The following FMNL3 variants were observed in gnomAD, a reference collection of about 807,000 sequenced individuals.
FMNL3 encodes formin-like protein 3.
In FMNL3, 57 loss-of-function variants were observed where a neutral mutation model predicts 119.6. The observed-to-expected ratio is 0.48, with a 90% CI of 0.39 to 0.59. The LOEUF is 0.59. FMNL3 is among the 20% of genes least tolerant of loss of function. The pLI is 0.00. For synonymous variants in FMNL3, 491 were observed against 507.3 expected (o/e 0.97, Z 0.43); for missense variants, 1,053 against 1,323.5 (o/e 0.80, Z 3.17).
intron 1 of FMNL3, among the ~76,000 whole-genome samples, chr12:49,680,035 G>A (rs1324977783): frequency 6.6e-6 from 1 of 152,126 alleles, no homozygotes; most frequent in African/African-American, 2.4e-5. Context: ...ATTATTTCCT[G>A]AACTAGAATA....
intron 5 of FMNL3, among the ~76,000 whole-genome samples, chr12:49,660,864 A>T (rs1471877241): frequency 4.6e-5 from 7 of 152,220 alleles, no homozygotes; most frequent in Non-Finnish European, 7.3e-5. Flanking sequence ...AGCAAGGCTG[A>T]GGCAGGACTG....
At chr12:49,661,829 T>G (rs1420741658) in intron 5 of FMNL3, 137 bp downstream of exon 5, 1 of 817,014 alleles carries the variant, frequency 1.2e-6, no homozygotes, top group Admixed American at 2.0e-5. Context: ...TCCACACCAC[T>G]GCTTGGGCTA....
At chr12:49,654,027 G>C (rs77006204) in intron 11 of FMNL3, among the ~76,000 whole-genome samples, 153 bp from the exon 12 acceptor site, 3,605 of 152,292 alleles carry the variant, frequency 0.024, 141 homozygotes, top group African/African-American at 0.083. Flanking sequence ...CCATGGAGCT[G>C]CCTGACTGGG....
chr12:49,695,672 C>T lies in FMNL3; in HGVS notation c.126+11383G>A, dbSNP rs148303594. Among the ~76,000 whole-genome samples the T allele has an allele frequency of 3.9e-3, 589 of 152,184 alleles. 2 individuals carry two copies. The highest frequency in any genetic ancestry group is 0.034 in the Middle Eastern group (10 of 294). Reference sequence around the variant, plus strand: ...GGTAAGGACCAGACACTGAGCCATTCCTAAAAGGATGAGATGAGGGACTCT... The same window carrying T: ...GGTAAGGACCAGACACTGAGCCATTTCTAAAAGGATGAGATGAGGGACTCT... On this transcript the variant is annotated intron_variant, in intron 1 of 25. Coordinates refer to ENST00000335154, the MANE Select transcript of FMNL3 (RefSeq NM_175736.5).
chr12:49,651,557 ACTCTC>A, intron 14 of FMNL3, 107 bp from the exon 15 acceptor site: 4 of 924,912 alleles, frequency 4.3e-6, no homozygotes, highest in Non-Finnish European at 5.9e-6. Flanking sequence ...AAAAAAAAAA[ACTCTC>A]AGAGAAGGAG....
At position 49,658,482 on chromosome 12, in the gene FMNL3, TG is replaced by T. The variant is rs940790169; in HGVS notation, c.564del (p.Phe188LeufsTer25). ...CGCGCAGAGCGAGCGAGGCTGTTGG[TG>T]AAGGGGGCCGACAGGGCGCTGGGTG... Reference protein sequence around the residue: ...LQPPSALSAPFTNSLARSARQ... With the variant: ...LQPPSALSAPXTNSLARSARQ... On this transcript the variant is annotated frameshift_variant, in exon 6 of 26. Coordinates refer to ENST00000335154, the MANE Select transcript of FMNL3 (RefSeq NM_175736.5). LOFTEE classifies it high-confidence loss of function. 1 of 1,612,634 alleles carries T rather than the reference TG, an allele frequency of 6.2e-7. No homozygotes were observed. Among genetic ancestry groups the T allele is most frequent in the Non-Finnish European group, 8.5e-7 (1 of 1,179,280 alleles).
At chr12:49,701,497 T>C (rs1050740342) in intron 1 of FMNL3, among the ~76,000 whole-genome samples, 1 of 152,234 alleles carries the variant, frequency 6.6e-6, no homozygotes, top group Non-Finnish European at 1.5e-5. Context: ...GAAAATACTT[T>C]GTACACCAAG....
intron 1 of FMNL3, among the ~76,000 whole-genome samples, chr12:49,676,385 G>C (rs1038819651): frequency 1.3e-5 from 2 of 152,132 alleles, no homozygotes; most frequent in African/African-American, 4.8e-5. Context: ...ATAGACAGTG[G>C]ACGAACCTTC....
chr12:49,637,107 C>T lies in FMNL3; in HGVS notation c.*8708G>A. On this transcript the variant is annotated 3_prime_UTR_variant, in exon 26 of 26. Coordinates refer to ENST00000335154, the MANE Select transcript of FMNL3 (RefSeq NM_175736.5). ...AGAGCACCCTACAGGCATGACTTGG[C>T]AGCTAGGCCATGTTTATTTCCCTTG... 1 of 594,800 alleles carries T rather than the reference C, an allele frequency of 1.7e-6. No homozygotes were observed. Among genetic ancestry groups the T allele is most frequent in the Non-Finnish European group, 2.9e-6 (1 of 340,622 alleles). The allele number at this position is 594,800 out of a possible 1,614,324, so 36.8% of individuals were successfully genotyped here. A position where few individuals can be genotyped will look rare whatever the true frequency, so the allele number is the denominator to read the frequency against.
chr12:49,658,404 G>C (rs1331310357), intron 6 of FMNL3, 38 bp downstream of exon 6: 2 of 1,553,700 alleles, frequency 1.3e-6, no homozygotes, highest in African/African-American at 2.7e-5. Flanking sequence ...CTGAAGGGTA[G>C]GGTGGGAGGC....
At chr12:49,651,817 A>G in intron 14 of FMNL3, 116 bp downstream of exon 14, 1 of 1,441,300 alleles carries the variant, frequency 6.9e-7, no homozygotes, top group Non-Finnish European at 9.2e-7. Context: ...ATATCCCTCC[A>G]AGTCCTCAGA....
In FMNL3 at chr12:49,643,649, C is replaced by T. The variant is rs907853435; in HGVS notation, c.*2166G>A. The T allele has an allele frequency of 7.5e-6, 12 of 1,591,774 alleles. No homozygotes were observed. The highest frequency in any genetic ancestry group is 9.4e-6 in the Non-Finnish European group (11 of 1,167,072). On this transcript the variant is annotated 3_prime_UTR_variant, in exon 26 of 26. Transcript: ENST00000335154. ...GCTAGAACAAAGAAAAAGAGCCTGT[C>T]TTTCTCCTGTTGGGACTTAGTAGGG... is the stretch of plus-strand genomic sequence containing the variant.
intron 13 of FMNL3, among the ~76,000 whole-genome samples, chr12:49,652,914 C>CG: frequency 6.6e-6 from 1 of 152,100 alleles, no homozygotes; most frequent in East Asian, 1.9e-4. Context: ...GGGAGGAACA[C>CG]GGGGGTAGAG....
At chr12:49,657,401 A>G (rs530566333) in intron 6 of FMNL3, among the ~76,000 whole-genome samples, 25 of 152,288 alleles carry the variant, frequency 1.6e-4, no homozygotes, top group African/African-American at 5.5e-4. Context: ...GTCAGCAACT[A>G]TTCAGGATCC....
chr12:49,668,776 A>C (rs1943959825), intron 1 of FMNL3, among the ~76,000 whole-genome samples: 1 of 152,228 alleles, frequency 6.6e-6, no homozygotes, highest in Non-Finnish European at 1.5e-5. Context: ...CAATTTAATC[A>C]GTCAAAATTA....
At position 49,643,792 on chromosome 12, in the gene FMNL3, T is replaced by TAA. The variant is rs1942988523; in HGVS notation, c.*2022_*2023insTT. ...TTCTACCTAAGCCCCTGCTATTTTG[T>TAA]GAGTTCTGTTCTACCTGCCTCCCAG... On this transcript the variant is annotated 3_prime_UTR_variant, in exon 26 of 26. Coordinates refer to ENST00000335154, the MANE Select transcript of FMNL3 (RefSeq NM_175736.5). 1 of 1,613,658 alleles carries TAA rather than the reference T, an allele frequency of 6.2e-7. No individual in the cohort carries two copies. The highest frequency in any genetic ancestry group is 1.6e-4 in the Middle Eastern group (1 of 6,062).
intron 1 of FMNL3, among the ~76,000 whole-genome samples, chr12:49,703,930 T>G (rs1944975688): frequency 6.6e-6 from 1 of 152,192 alleles, no homozygotes; most frequent in Non-Finnish European, 1.5e-5. Context: ...ATTCCGAGAC[T>G]GGATATACAC....
At chr12:49,706,975 G>A in intron 1 of FMNL3, 80 bp downstream of exon 1, 1 of 1,462,278 alleles carries the variant, frequency 6.8e-7, no homozygotes, top group South Asian at 1.2e-5. Context: ...GGCGGGACGG[G>A]GGCCCAGCAC....
intron 1 of FMNL3, among the ~76,000 whole-genome samples, chr12:49,680,716 A>C (rs941300340): frequency 1.3e-5 from 2 of 152,186 alleles, no homozygotes; most frequent in Non-Finnish European, 2.9e-5. Context: ...CTGATGTCCT[A>C]AGTGTTATAT....
Sources: gnomAD v4.1 joint callset for allele counts (sites outside exome capture counted in the v4.1 genomes callset) on GRCh38, gnomAD v4.1.1 for gene constraint, MANE v1.5 for transcripts, NCBI Gene and HGNC (gene_info 2026-07-23, HGNC 2026-07-21) for gene names.